Variants in PITRM1 observed in about 807,000 individuals in gnomAD.
PITRM1 encodes pitrilysin metallopeptidase 1.
Under a neutral mutation model 129.9 loss-of-function variants are expected in PITRM1, and 100 were observed. The observed-to-expected ratio is 0.77, with a 90% confidence interval of 0.65 to 0.91. The LOEUF is 0.91. Ranked by LOEUF, PITRM1 falls within the 40% of genes least tolerant of loss-of-function variation. The pLI is 0.00. For missense variants in PITRM1, 1,471 were observed against 1,318.3 expected (o/e 1.12, Z -1.79); for synonymous variants, 591 against 508.8 (o/e 1.16, Z -2.17).
chr10:3,141,685 A>G (rs1225257579), intron 23 of PITRM1: 4 of 470,514 alleles, frequency 8.5e-6, no homozygotes, highest in African/African-American at 8.0e-5. Context: ...CTCCTTGAAG[A>G]CGCCCGTGGT....
At chr10:3,143,825 T>C in intron 22 of PITRM1, 1 of 593,246 alleles carries the variant, frequency 1.7e-6, no homozygotes, top group Non-Finnish European at 3.2e-6. Context: ...CACAGTTACA[T>C]ATTTATATTT....
rs774314745 is a variant in PITRM1 at position 3,157,031 on chromosome 10, G to C, written c.1381C>G (p.Pro461Ala). 1.2e-6 allele frequency: 2 copies of C among 1,609,664 alleles called. No homozygotes were observed. The highest frequency in any genetic ancestry group is 2.2e-5 in the East Asian group (1 of 44,588). The change falls in exon 13 of 27, where the codon CCT becomes GCT. Residue 461 changes from proline (P) to alanine (A), a missense_variant. Coordinates refer to ENST00000224949, the MANE Select transcript of PITRM1 (RefSeq NM_014889.4). ...TTTCCCAACTTCAAGAGCTCCACAG[G>C]GTCCCCATCATGGTTCCAGCAAGAA... ...IASCWNHDGDPVELLKLGNQL... is the reference protein window; with the variant it reads ...IASCWNHDGDAVELLKLGNQL...
intron 21 of PITRM1, chr10:3,145,254 A>G: frequency 4.0e-6 from 1 of 252,630 alleles, no homozygotes; most frequent in Non-Finnish European, 7.6e-6. Flanking sequence ...TGGATTCATG[A>G]GTCAAAGAAA....
At chr10:3,154,591 A>C (rs921669093) in intron 14 of PITRM1, among the ~76,000 whole-genome samples, 6 of 152,228 alleles carry the variant, frequency 3.9e-5, no homozygotes, top group African/African-American at 1.4e-4. Flanking sequence ...ATTATTTCCC[A>C]TGTAATGATT....
intron 23 of PITRM1, among the ~76,000 whole-genome samples, chr10:3,142,758 G>A (rs1373775100): frequency 6.6e-6 from 1 of 152,188 alleles, no homozygotes; most frequent in African/African-American, 2.4e-5. Flanking sequence ...TGACTTGGTG[G>A]GGAGACAGGG....
intron 21 of PITRM1, chr10:3,145,236 C>G (rs1313111114): frequency 1.3e-5 from 3 of 231,790 alleles, no homozygotes; most frequent in Non-Finnish European, 2.5e-5. Flanking sequence ...TGTTCCATGT[C>G]AAATCCATGG....
intron 24 of PITRM1, 111 bp from the exon 25 acceptor site, chr10:3,139,160 TTA>T: frequency 1.1e-6 from 1 of 891,396 alleles, no homozygotes; most frequent in Middle Eastern, 2.3e-4. Context: ...CAGCTCTATT[TTA>T]TATCTGATTT....
chr10:3,167,472 G>A (rs1041549387), intron 2 of PITRM1, among the ~76,000 whole-genome samples: 59 of 152,358 alleles, frequency 3.9e-4, no homozygotes, highest in African/African-American at 1.4e-3. Flanking sequence ...TCAGGGTGAT[G>A]AAATAAGCTG....
chr10:3,156,164 C>T (rs568857413), intron 13 of PITRM1, among the ~76,000 whole-genome samples: 1 of 152,220 alleles, frequency 6.6e-6, no homozygotes, highest in African/African-American at 2.4e-5. Flanking sequence ...GCTAGAACTA[C>T]ATTTCCCATT....
chr10:3,159,056 A>G lies in PITRM1; in HGVS notation c.1008-14T>C. ...GTGTCGGTGATGCTGCATTGAAAAA[A>G]AAAGGAACGGGGAGGTAAGAAAAGA... On this transcript the variant is annotated splice_polypyrimidine_tract_variant and intron_variant, in intron 9 of 26. Transcript: ENST00000224949. 1 of 1,603,838 alleles carries G rather than the reference A, an allele frequency of 6.2e-7. No individual in the cohort carries two copies. Among genetic ancestry groups the G allele is most frequent in the Non-Finnish European group, 8.5e-7 (1 of 1,176,196 alleles).
intron 19 of PITRM1, 127 bp from the exon 20 acceptor site, chr10:3,147,377 G>T: frequency 1.1e-6 from 1 of 951,906 alleles, no homozygotes; most frequent in Non-Finnish European, 1.6e-6. Flanking sequence ...CACGGCTTGG[G>T]CAGGGCTGGA....
At chr10:3,163,943 A>C (rs1588708333) in intron 6 of PITRM1, 58 bp from the exon 7 acceptor site, 1 of 1,165,110 alleles carries the variant, frequency 8.6e-7, no homozygotes, top group Non-Finnish European at 1.2e-6. Context: ...CACACGTTAC[A>C]TTACTTACAA....
chr10:3,155,610 C>A lies in PITRM1; in HGVS notation c.1602G>T (p.Arg534Ser). Residue 534 changes from arginine to serine, a missense_variant, in exon 14 of 27, where the codon AGG (arginine) becomes AGT (serine). Arg to Ser is a moderately radical substitution (Grantham distance 110). Transcript: ENST00000224949. ...QKVEALSPGD[R>S]QQIYEKGLEL... is the part of the protein sequence containing the mutation. The stretch of plus-strand genomic sequence containing the variant: ...TCTGACCTTTCTCGTAGATCTGCTG[C>A]CTGTCTCCGGGGGACAGAGCCTCGA... 2 of 1,613,932 alleles carry A rather than the reference C, an allele frequency of 1.2e-6. No individual in the cohort carries two copies. The highest frequency in any genetic ancestry group is 1.7e-6 in the Non-Finnish European group (2 of 1,179,880).
rs1205048159 is a variant in PITRM1, at chr10:3,157,481, A to G, written c.1301T>C (p.Ile434Thr). The G allele has an allele frequency of 1.2e-6, 2 of 1,611,422 alleles. No homozygotes were observed. The highest frequency in any genetic ancestry group is 1.7e-5 in the Admixed American group (1 of 59,586). ...RIEALLHKIE[I>T]QMKHQSTSFG... ...GCTGGTAGACTGATGTTTCATCTGT[A>G]TTTCAATTTTATGAAGTAAAGCCTC... is the stretch of plus-strand genomic sequence containing the variant. The change falls in exon 12 of 27, where the codon ATA becomes ACA. Residue 434 changes from isoleucine (I) to threonine (T), a missense_variant. Physicochemically the swap from Ile to Thr is moderately conservative, Grantham distance 89. Coordinates refer to ENST00000224949, the MANE Select transcript of PITRM1 (RefSeq NM_014889.4).
rs1260710372 is a variant in PITRM1, at chr10:3,155,738, A to G, written c.1483-9T>C. 6.2e-7 allele frequency: 1 copy of G among 1,613,404 alleles called. No individual in the cohort carries two copies. The highest frequency in any genetic ancestry group is 1.7e-5 in the Admixed American group (1 of 59,992). On this transcript the variant is annotated splice_polypyrimidine_tract_variant and intron_variant, in intron 13 of 26. Coordinates refer to ENST00000224949, the MANE Select transcript of PITRM1 (RefSeq NM_014889.4). ...AGCTTATGCTGGTTATTCTGCAGCAATCACAGCAACAACAAAAGCCAAGTG... is the reference window on the plus strand; with the variant it reads ...AGCTTATGCTGGTTATTCTGCAGCAGTCACAGCAACAACAAAAGCCAAGTG...
chr10:3,152,941 GC>G (rs1841647813), intron 14 of PITRM1, among the ~76,000 whole-genome samples: 1 of 152,222 alleles, frequency 6.6e-6, no homozygotes, highest in African/African-American at 2.4e-5. Context: ...GATGGTGGAG[GC>G]TTTACCCCTT....
At chr10:3,169,987 C>T in intron 2 of PITRM1, 117 bp downstream of exon 2, 1 of 670,908 alleles carries the variant, frequency 1.5e-6, no homozygotes, top group Non-Finnish European at 2.6e-6. Context: ...TGGGCCAGGG[C>T]CTTGGGACAC....
At chr10:3,162,176 A>G (rs1380330177) in intron 7 of PITRM1, among the ~76,000 whole-genome samples, 1 of 151,622 alleles carries the variant, frequency 6.6e-6, no homozygotes, top group Non-Finnish European at 1.5e-5. Flanking sequence ...AAAAAAAAAA[A>G]AAACAAGACA....
intron 25 of PITRM1, 181 bp downstream of exon 25, chr10:3,138,723 C>A: frequency 2.7e-6 from 2 of 745,980 alleles, no homozygotes; most frequent in South Asian, 3.0e-5. Context: ...TGACAGGATG[C>A]ACTCTTCTCG....
Sources: gnomAD v4.1 joint callset for allele counts (sites outside exome capture counted in the v4.1 genomes callset) on GRCh38, gnomAD v4.1.1 for gene constraint, MANE v1.5 for transcripts, NCBI Gene and HGNC (gene_info 2026-07-23, HGNC 2026-07-21) for gene names.